CNTLN: variants seen among roughly 807,000 people sequenced by gnomAD.
CNTLN encodes centlein.
In CNTLN, 212 loss-of-function variants were observed where a neutral mutation model predicts 180.0. The observed-to-expected ratio is 1.18, with a 90% confidence interval of 1.05 to 1.32. The LOEUF (loss-of-function observed/expected upper bound fraction) is 1.32, where lower values mean the gene tolerates loss of function less well. Ranked by LOEUF, CNTLN falls within the 40% of genes most tolerant of loss-of-function variation. The probability of loss-of-function intolerance (pLI) is 0.00; values close to 1 mark genes in which losing one functional copy is unlikely to be tolerated. For synonymous variants in CNTLN, 722 were observed against 563.1 expected, an observed-to-expected ratio of 1.28 and a Z score of -3.99; for missense variants, 2,095 against 1,610.9, an observed-to-expected ratio of 1.30 and a Z score of -5.14.
intron 16 of CNTLN, among the ~76,000 whole-genome samples, chr9:17,412,464 T>G (rs1006944117): frequency 3.3e-5 from 5 of 152,214 alleles, no homozygotes; most frequent in Admixed American, 1.3e-4. Flanking sequence ...TGGTTTGAGT[T>G]AAAATTTTTC....
chr9:17,452,193 C>T (rs1326897821), intron 18 of CNTLN, among the ~76,000 whole-genome samples: 1 of 152,006 alleles, frequency 6.6e-6, no homozygotes, highest in East Asian at 1.9e-4. Context: ...CCCTTTATTT[C>T]TCATTATTGG....
chr9:17,237,101 A>G (rs1173948064), intron 5 of CNTLN, among the ~76,000 whole-genome samples: 1 of 152,102 alleles, frequency 6.6e-6, no homozygotes, highest in Non-Finnish European at 1.5e-5. Flanking sequence ...TATAGAAGAT[A>G]AAAGTTACAA....
intron 2 of CNTLN, among the ~76,000 whole-genome samples, chr9:17,183,721 A>T (rs989268654): frequency 3.3e-5 from 5 of 152,086 alleles, no homozygotes; most frequent in African/African-American, 7.2e-5. Flanking sequence ...ATATATAAAC[A>T]ATGCTGAGAT....
chr9:17,518,133 T>C, the CNTLN span, among the ~76,000 whole-genome samples: 144,006 of 147,680 alleles, frequency 0.98, 70,227 homozygotes, highest in Middle Eastern at 1. Flanking sequence ...CCGCAACCTC[T>C]GCCTCCTGGG....
chr9:17,270,523 A>C (rs145601525), intron 5 of CNTLN, among the ~76,000 whole-genome samples: 1 of 152,148 alleles, frequency 6.6e-6, no homozygotes, highest in Non-Finnish European at 1.5e-5. Flanking sequence ...GGATTTTTGC[A>C]TCTATATGCC....
At chr9:17,463,054 C>A in intron 20 of CNTLN, 41 bp downstream of exon 20, 1 of 1,156,516 alleles carries the variant, frequency 8.6e-7, no homozygotes, top group Non-Finnish European at 1.3e-6. Flanking sequence ...TTGGTGCCAC[C>A]TAGTGGCAAC....
intron 18 of CNTLN, among the ~76,000 whole-genome samples, chr9:17,425,645 C>T (rs1175477646): frequency 6.6e-6 from 1 of 151,968 alleles, no homozygotes. Context: ...GCTGGAAATA[C>T]GTAGGTTAAG....
At position 17,135,126 on chromosome 9, in the gene CNTLN, A is replaced by G. The variant is rs1817607139; in HGVS notation, c.61A>G (p.Arg21Gly). ...GCCCCCAGCGCGACAGCTGGGCCCCAGGTCCCCACGTGTTGGGCGGGGAGC... is the reference window on the plus strand; with the variant it reads ...GCCCCCAGCGCGACAGCTGGGCCCCGGGTCCCCACGTGTTGGGCGGGGAGC... ...PSPPARQLGP[R>G]SPRVGRGAEV... Residue 21 changes from arginine to glycine, a missense_variant, in exon 1 of 26, where the codon AGG becomes GGG. By Grantham distance (125) the Arg-to-Gly change is moderately radical. Transcript: ENST00000380647. 3 of 1,607,038 alleles carry G rather than the reference A, an allele frequency of 1.9e-6. No homozygotes were observed. Among genetic ancestry groups the G allele is most frequent in the Non-Finnish European group, 2.5e-6 (3 of 1,177,884 alleles).
chr9:17,209,939 TG>T (rs1257108129), intron 2 of CNTLN, among the ~76,000 whole-genome samples: 3 of 152,224 alleles, frequency 2.0e-5, no homozygotes, highest in Non-Finnish European at 4.4e-5. Context: ...TCTTTATGGA[TG>T]GAGAAACCCA....
intron 2 of CNTLN, among the ~76,000 whole-genome samples, chr9:17,189,085 T>G (rs1239514291): frequency 7.5e-6 from 1 of 133,280 alleles, no homozygotes; most frequent in Non-Finnish European, 1.6e-5. Context: ...TTTTTTTTTT[T>G]TTTTTTTTTT....
chr9:17,342,325 G>T lies in CNTLN; in HGVS notation c.1767G>T (p.Met589Ile). ...AAAAGCAACTTTGTTTTAAAAATAG[G>T]ACTGAAATCAGGAAAATAAAGAGAG... ...QLKQWEEGSG[M>I]TEIRKIKRAD... The change falls in exon 12 of 26, where the codon ATG becomes ATT. Residue 589 changes from methionine to isoleucine, a missense_variant and splice_region_variant. Met to Ile is a conservative substitution (Grantham distance 10, BLOSUM62 1). Transcript: ENST00000380647. 6.2e-7 allele frequency: 1 copy of T among 1,611,252 alleles called. No homozygotes were observed. Among genetic ancestry groups the T allele is most frequent in the Non-Finnish European group, 8.5e-7 (1 of 1,178,948 alleles).
intron 25 of CNTLN, among the ~76,000 whole-genome samples, chr9:17,487,686 G>GGAT (rs1832960233): frequency 6.6e-6 from 1 of 152,126 alleles, no homozygotes; most frequent in South Asian, 2.1e-4. Flanking sequence ...GCTGCATAGA[G>GGAT]GATGACAAGG....
intron 2 of CNTLN, among the ~76,000 whole-genome samples, chr9:17,159,252 A>G (rs1032233699): frequency 3.9e-5 from 6 of 152,070 alleles, no homozygotes; most frequent in Non-Finnish European, 7.4e-5. Context: ...ACTTCTCTAC[A>G]CTGTGTTGCA....
At chr9:17,390,923 G>A (rs1395899864) in intron 14 of CNTLN, among the ~76,000 whole-genome samples, 1 of 152,160 alleles carries the variant, frequency 6.6e-6, no homozygotes, top group African/African-American at 2.4e-5. Context: ...CAGTTGGTAT[G>A]TATATAGGGG....
chr9:17,361,376 G>A (rs1016710012), intron 12 of CNTLN, among the ~76,000 whole-genome samples: 1 of 152,004 alleles, frequency 6.6e-6, no homozygotes, highest in Non-Finnish European at 1.5e-5. Context: ...GTTCTCTATT[G>A]AATGCCTCTG....
intron 15 of CNTLN, among the ~76,000 whole-genome samples, chr9:17,407,888 G>C (rs1360661799): frequency 6.6e-6 from 1 of 152,036 alleles, no homozygotes; most frequent in Non-Finnish European, 1.5e-5. Context: ...CACTTTGGGA[G>C]GCTGAGGTAG....
intron 5 of CNTLN, among the ~76,000 whole-genome samples, chr9:17,258,598 T>C (rs1826699069): frequency 6.6e-6 from 1 of 150,610 alleles, no homozygotes; most frequent in Admixed American, 6.6e-5. Flanking sequence ...TATTGATTCT[T>C]CCTACCCATG....
At chr9:17,357,471 T>G (rs956939713) in intron 12 of CNTLN, among the ~76,000 whole-genome samples, 1 of 151,090 alleles carries the variant, frequency 6.6e-6, no homozygotes, top group East Asian at 1.9e-4. Flanking sequence ...TGAGTCCATA[T>G]ACATATGATA....
At chr9:17,355,173 G>A (rs560874127) in intron 12 of CNTLN, among the ~76,000 whole-genome samples, 2 of 152,178 alleles carry the variant, frequency 1.3e-5, no homozygotes, top group South Asian at 2.1e-4. Context: ...CACCAATTCC[G>A]GACACACTGG....
Sources: allele counts gnomAD v4.1 joint callset (sites outside exome capture counted in the v4.1 genomes callset), GRCh38; gene constraint gnomAD v4.1.1; transcripts MANE v1.5; gene names NCBI Gene and HGNC (gene_info 2026-07-23, HGNC 2026-07-21).